Variants in CHD1L observed in about 807,000 individuals in gnomAD.
The protein encoded by CHD1L is chromodomain helicase DNA binding protein 1 like, also known as ATP-dependent chromatin remodeler CHD1L.
In CHD1L, 118 loss-of-function variants were observed where a neutral mutation model predicts 115.9. The ratio of observed to expected loss-of-function variants is 1.02; its 90% confidence interval spans 0.88 to 1.19. The LOEUF (loss-of-function observed/expected upper bound fraction) is 1.19. Among genes scored for constraint, CHD1L ranks in the 50% most tolerant of loss-of-function variants. The probability of loss-of-function intolerance (pLI) is 0.00; values close to 1 mark genes in which losing one functional copy is unlikely to be tolerated. For missense variants in CHD1L, 1,179 were observed against 1,065.3 expected (o/e 1.11, Z -1.49); for synonymous variants, 411 against 387.1 (o/e 1.06, Z -0.72).
intron 20 of CHD1L, among the ~76,000 whole-genome samples, chr1:147,291,848 GA>G (rs1219409833): frequency 6.6e-6 from 1 of 152,122 alleles, no homozygotes; most frequent in African/African-American, 2.4e-5. Flanking sequence ...TGTGTGTCCA[GA>G]TTTCCTTTCT....
chr1:147,266,885 A>G (rs1674140718), intron 8 of CHD1L, among the ~76,000 whole-genome samples: 1 of 152,240 alleles, frequency 6.6e-6, no homozygotes, highest in South Asian at 2.1e-4. Flanking sequence ...TTAATATTTT[A>G]CTGTGCCAAA....
At chr1:147,219,456 C>A in the CHD1L span, among the ~76,000 whole-genome samples, 2 of 152,126 alleles carry the variant, frequency 1.3e-5, no homozygotes, top group African/African-American at 2.4e-5. Flanking sequence ...AAACTCTCAG[C>A]AAACTAGGAA....
chr1:147,194,897 C>T, the CHD1L span, among the ~76,000 whole-genome samples: 1 of 152,044 alleles, frequency 6.6e-6, no homozygotes, highest in South Asian at 2.1e-4. Flanking sequence ...TGATGGGCTT[C>T]CCTTTGTGGG....
intron 2 of CHD1L, 54 bp from the exon 3 acceptor site, chr1:147,254,816 T>A: frequency 7.7e-7 from 1 of 1,303,394 alleles, no homozygotes; most frequent in African/African-American, 1.5e-5. Context: ...AACTTCATGG[T>A]TGTTTCTCAT....
the CHD1L span, among the ~76,000 whole-genome samples, chr1:147,237,096 G>C: frequency 6.6e-6 from 1 of 152,184 alleles, no homozygotes; most frequent in African/African-American, 2.4e-5. Flanking sequence ...TCCTGAGGGG[G>C]CCAAAGCCAT....
Position 147,295,533 on chromosome 1 carries a change from G to C in CHD1L, c.*24G>C. ...AAGAATTGGCCCAGCCTCAGATCCT[G>C]TCTTTAGCAACCAGCTAATATTTAC... On this transcript the variant is annotated 3_prime_UTR_variant, in exon 23 of 23. Coordinates refer to ENST00000369258, the MANE Select transcript of CHD1L (RefSeq NM_004284.6). The C allele has an allele frequency of 6.5e-7, 1 of 1,542,028 alleles. No homozygotes were observed. Among genetic ancestry groups the C allele is most frequent in the South Asian group, 1.1e-5 (1 of 88,850 alleles).
chr1:147,270,236 G>A (rs1269760269), intron 10 of CHD1L, among the ~76,000 whole-genome samples: 2 of 152,144 alleles, frequency 1.3e-5, no homozygotes, highest in Non-Finnish European at 2.9e-5. Context: ...CTTTGTTTAT[G>A]CAAATTTAAA....
chr1:147,212,706 A>G, the CHD1L span, among the ~76,000 whole-genome samples: 1 of 152,060 alleles, frequency 6.6e-6, no homozygotes, highest in Non-Finnish European at 1.5e-5. Flanking sequence ...TTCTTTTCCC[A>G]TAGCCTCAGA....
At chr1:147,284,274 T>C (rs782447730) in intron 15 of CHD1L, 77 bp from the exon 16 acceptor site, 22 of 1,207,234 alleles carry the variant, frequency 1.8e-5, no homozygotes, top group Non-Finnish European at 2.4e-5. Context: ...CTGTCCACTT[T>C]TGTTATTGAT....
chr1:147,294,568 T>C, intron 22 of CHD1L, 51 bp downstream of exon 22: 1 of 1,434,218 alleles, frequency 7.0e-7, no homozygotes, highest in East Asian at 2.3e-5. Context: ...AGAGGGAAAA[T>C]GTGTTCATTT....
chr1:147,242,714 C>A lies in CHD1L; in HGVS notation c.11C>A (p.Ala4Glu). The A allele has an allele frequency of 7.9e-7, 1 of 1,258,150 alleles. No individual in the cohort carries two copies. The highest frequency in any genetic ancestry group is 1.0e-6 in the Non-Finnish European group (1 of 997,702). The allele number at this position is 1,258,150 out of a possible 1,614,324, so 77.9% of individuals were successfully genotyped here. Residue 4 changes from alanine (A) to glutamate (E), a missense_variant, in exon 1 of 23, where the codon GCG becomes GAG. Physicochemically the swap from Ala to Glu is moderately radical, Grantham distance 107. Transcript: ENST00000369258. The stretch of plus-strand genomic sequence containing the variant: ...GCCTCTACCGGCCCGATGGAGCGCG[C>A]GGGCGCTACTAGCCGCGGGGGCCAA... Reference protein sequence around the residue: MERAGATSRGGQAP... With the variant: MEREGATSRGGQAP...
the CHD1L span, among the ~76,000 whole-genome samples, chr1:147,216,332 G>A: frequency 6.6e-6 from 1 of 152,120 alleles, no homozygotes; most frequent in Non-Finnish European, 1.5e-5. Context: ...AAAATATATG[G>A]CCAGTCCCCA....
At chr1:147,213,851 T>G in the CHD1L span, among the ~76,000 whole-genome samples, 1 of 152,118 alleles carries the variant, frequency 6.6e-6, no homozygotes, top group Admixed American at 6.6e-5. Context: ...TGAGACCTTC[T>G]GATGTCTTCT....
At chr1:147,219,108 T>C in the CHD1L span, among the ~76,000 whole-genome samples, 8 of 152,192 alleles carry the variant, frequency 5.3e-5, no homozygotes, top group Non-Finnish European at 1.0e-4. Flanking sequence ...TAATGAATTA[T>C]GGAAATTGAA....
rs782565986 is a variant in CHD1L, at chr1:147,287,060, TTGAC to T, written c.2221+563_2221+566del. Among the ~76,000 whole-genome samples the T allele has an allele frequency of 7.2e-5, 11 of 152,218 alleles. No homozygotes were observed. The East Asian group carries it at 7.7e-4, about 11-fold the overall frequency. Reference sequence around the variant, plus strand: ...ACACATTACCTATGTATTTGTTTATTTGACTGTTGCTTTGCATTAAAAAATACAC... The same window carrying T: ...ACACATTACCTATGTATTTGTTTATTTGTTGCTTTGCATTAAAAAATACAC... On this transcript the variant is annotated intron_variant, in intron 18 of 22. Coordinates refer to ENST00000369258, the MANE Select transcript of CHD1L (RefSeq NM_004284.6).
the CHD1L span, among the ~76,000 whole-genome samples, chr1:147,199,778 T>C: frequency 1.3e-5 from 2 of 152,222 alleles, no homozygotes; most frequent in Non-Finnish European, 2.9e-5. Flanking sequence ...CTGGAAGTAA[T>C]AGAAATTTGG....
the CHD1L span, among the ~76,000 whole-genome samples, chr1:147,228,116 A>C: frequency 6.6e-6 from 1 of 151,852 alleles, no homozygotes; most frequent in Non-Finnish European, 1.5e-5. Flanking sequence ...CCATTAACTC[A>C]TCATTTAATA....
At chr1:147,279,870 C>T (rs1680121053) in intron 14 of CHD1L, among the ~76,000 whole-genome samples, 156 bp from the exon 15 acceptor site, 1 of 152,130 alleles carries the variant, frequency 6.6e-6, no homozygotes, top group African/African-American at 2.4e-5. Context: ...TTAAATGGCC[C>T]TGGCTGTTAC....
At chr1:147,244,778 T>G (rs2102236455) in intron 1 of CHD1L, among the ~76,000 whole-genome samples, 1 of 120,686 alleles carries the variant, frequency 8.3e-6, no homozygotes, top group Non-Finnish European at 1.7e-5. Context: ...GTTTAGACAG[T>G]CCCTCTTCTT....
Sources: gnomAD v4.1 joint callset for allele counts (sites outside exome capture counted in the v4.1 genomes callset) on GRCh38, gnomAD v4.1.1 for gene constraint, MANE v1.5 for transcripts, NCBI Gene and HGNC (gene_info 2026-07-23, HGNC 2026-07-21) for gene names.